Variants in GBA2 observed in about 807,000 individuals in gnomAD.
GBA2 encodes the protein non-lysosomal glucosylceramidase.
GBA2 carries 79 observed loss-of-function variants against 112.9 expected under a neutral mutation model. The ratio of observed to expected loss-of-function variants is 0.70; its 90% CI spans 0.58 to 0.84. The LOEUF is 0.84. Ranked by LOEUF, GBA2 falls within the 40% of genes least tolerant of loss-of-function variation. GBA2 has a pLI of 0.00. For missense variants in GBA2, 1,043 were observed against 1,190.0 expected, an observed-to-expected ratio of 0.88 and a Z score of 1.82; for synonymous variants, 403 against 434.3, an observed-to-expected ratio of 0.93 and a Z score of 0.90.
chr9:35,743,149 T>C (rs1028983023), intron 3 of GBA2: 8 of 153,800 alleles, frequency 5.2e-5, no homozygotes, highest in Admixed American at 4.6e-4. Flanking sequence ...CAACCCCCCA[T>C]GGATACTGAG....
rs398123014 is a variant in GBA2 at position 35,740,833 on chromosome 9, G to A, written c.1018C>T (p.Arg340Ter). 4 of 1,613,950 alleles carry A rather than the reference G, an allele frequency of 2.5e-6. No individual in the cohort carries two copies. Among genetic ancestry groups the A allele is most frequent in the African/African-American group, 1.3e-5 (1 of 74,892 alleles). Residue 340 changes from arginine to a stop codon, truncating the protein, a stop_gained, in exon 5 of 17, where the codon CGA becomes TGA. Coordinates refer to ENST00000378103, the MANE Select transcript of GBA2 (RefSeq NM_020944.3). LOFTEE classifies it high-confidence loss of function. The surrounding 1 kb of genome is among the most constrained non-coding windows in gnomAD (Gnocchi z 4.7). The part of the protein sequence containing the change: ...PNPYTMAVAA[R>*]VTAATTVTHI... Reference sequence around the variant, plus strand: ...GCAGGCTCTTTCCTTACCGTGACTCGTGCAGCCACAGCCATCGTGTAGGGG... The same window carrying A: ...GCAGGCTCTTTCCTTACCGTGACTCATGCAGCCACAGCCATCGTGTAGGGG...
In GBA2 at chr9:35,737,965, G is replaced by C; in HGVS notation, c.2314-26C>G. On this transcript the variant is annotated intron_variant, in intron 15 of 16. Transcript: ENST00000378103. This position sits in a 1 kb window ranked among gnomAD's most constrained non-coding sequence, Gnocchi z 4.1. ...CTGGAGGGGCAAGGGCAGGAACATG[G>C]TCTCATATACTTACTTCCCACCTCC... 6.2e-7 allele frequency: 1 copy of C among 1,604,938 alleles called. No homozygotes were observed. The highest frequency in any genetic ancestry group is 2.2e-5 in the East Asian group (1 of 44,774).
At position 35,737,045 on chromosome 9, in the gene GBA2, T is replaced by A. The variant is rs546341042; in HGVS notation, c.*124A>T. ...ACCCCCATTTACTGGCACAATTGGG[T>A]GGAGAGAAGGGAAGGGGTATGATTG... On this transcript the variant is annotated 3_prime_UTR_variant, in exon 17 of 17. Transcript: ENST00000378103. The surrounding 1 kb of genome is among the most constrained non-coding windows in gnomAD (Gnocchi z 4.1). 18 of 1,438,146 alleles carry A rather than the reference T, an allele frequency of 1.3e-5. No individual in the cohort carries two copies. Among genetic ancestry groups the A allele is most frequent in the Non-Finnish European group, 1.7e-5 (18 of 1,079,822 alleles). 89.1% of individuals were successfully genotyped at this position (1,438,146 alleles called of 1,614,324 possible).
rs1826577268 is a variant in GBA2, at chr9:35,740,327, C to A, written c.1165G>T (p.Ala389Ser). 1.2e-6 allele frequency: 2 copies of A among 1,613,890 alleles called. No individual in the cohort carries two copies. The highest frequency in any genetic ancestry group is 1.7e-6 in the Non-Finnish European group (2 of 1,179,992). The change falls in exon 7 of 17, where the codon GCT becomes TCT. Residue 389 changes from alanine (A) to serine (S), a missense_variant. Transcript: ENST00000378103. The surrounding 1 kb of genome is among the most constrained non-coding windows in gnomAD (Gnocchi z 4.7). Reference sequence around the variant, plus strand: ...TTGCTGGAAACACACACAGCTCCAGCAATGCCTACTCCTTTCTGCGTAGGG... The same window carrying A: ...TTGCTGGAAACACACACAGCTCCAGAAATGCCTACTCCTTTCTGCGTAGGG... ...STPTQKGVGI[A>S]GAVCVSSKLR...
rs115645052 is a variant in GBA2, at chr9:35,736,995, T to C, written c.*174A>G. The C allele has an allele frequency of 2.3e-4, 234 of 1,004,928 alleles. No homozygotes were observed. In the African/African-American group the frequency reaches 3.3e-3, roughly 14 times the overall value. The allele number at this position is 1,004,928 out of a possible 1,614,324, so 62.3% of individuals were successfully genotyped here. A position where few individuals can be genotyped will look rare whatever the true frequency, so the allele number is the denominator to read the frequency against. On this transcript the variant is annotated 3_prime_UTR_variant, in exon 17 of 17. Coordinates refer to ENST00000378103, the MANE Select transcript of GBA2 (RefSeq NM_020944.3). Reference sequence around the variant, plus strand: ...GTGAGGAAAGAAATAAATAAGTGATTCTAATGCTGCCTAGGTCACCCTCAA... The same window carrying C: ...GTGAGGAAAGAAATAAATAAGTGATCCTAATGCTGCCTAGGTCACCCTCAA...
chr9:35,748,671 C>T lies in GBA2; in HGVS notation c.34G>A (p.Gly12Ser). 4 of 1,588,620 alleles carry T rather than the reference C, an allele frequency of 2.5e-6. No individual in the cohort carries two copies. The highest frequency in any genetic ancestry group is 3.4e-6 in the Non-Finnish European group (4 of 1,164,864). ...GTQDPGNMGT[G>S]VPASEQISCA... ...CTTATCTGCTCCGAGGCTGGGACGC[C>T]GGTTCCCATGTTCCCTGGATCCTGG... Residue 12 changes from glycine (G) to serine (S), a missense_variant, in exon 1 of 17, where the codon GGC (glycine) becomes AGC (serine). Coordinates refer to ENST00000378103, the MANE Select transcript of GBA2 (RefSeq NM_020944.3).
At position 35,739,894 on chromosome 9, in the gene GBA2, A is replaced by C. The variant is rs544124639; in HGVS notation, c.1410-94T>G. 2.7e-5 allele frequency: 42 copies of C among 1,545,720 alleles called. No individual in the cohort carries two copies. The East Asian group carries it at 9.2e-4, about 34-fold the overall frequency. Reference sequence around the variant, plus strand: ...TCAGCAGAGTGGGATCATCAAATGAATCCCAGTGCAAGTCTACTGACTTTG... The same window carrying C: ...TCAGCAGAGTGGGATCATCAAATGACTCCCAGTGCAAGTCTACTGACTTTG... On this transcript the variant is annotated intron_variant, in intron 8 of 16. Coordinates refer to ENST00000378103, the MANE Select transcript of GBA2 (RefSeq NM_020944.3).
At position 35,738,792 on chromosome 9, in the gene GBA2, C is replaced by T. The variant is rs1209879263; in HGVS notation, c.1907G>A (p.Gly636Asp). ...LQVYRDYYLT[G>D]DQNFLKDMWP... ...CATGTCCTTCAGGAAGTTTTGATCA[C>T]CCGTGAGGTAATAGTCCCGATAAAC... Residue 636 changes from glycine (G) to aspartate (D), a missense_variant, in exon 12 of 17, where the codon GGT (glycine) becomes GAT (aspartate). By Grantham distance (94) the Gly-to-Asp change is moderately conservative. Coordinates refer to ENST00000378103, the MANE Select transcript of GBA2 (RefSeq NM_020944.3). The T allele has an allele frequency of 3.1e-6, 5 of 1,614,188 alleles. No individual in the cohort carries two copies. Among genetic ancestry groups the T allele is most frequent in the Non-Finnish European group, 3.4e-6 (4 of 1,180,008 alleles).
intron 3 of GBA2, among the ~76,000 whole-genome samples, chr9:35,742,973 A>T (rs1826781774): frequency 6.6e-6 from 1 of 152,226 alleles, no homozygotes; most frequent in Non-Finnish European, 1.5e-5. Flanking sequence ...TACACACTTT[A>T]TTTACTGTAC....
rs569037432 is a variant in GBA2, at chr9:35,746,592, A to G, written c.359+1754T>C. On this transcript the variant is annotated intron_variant, in intron 1 of 16. Coordinates refer to ENST00000378103, the MANE Select transcript of GBA2 (RefSeq NM_020944.3). This position sits in a 1 kb window ranked among gnomAD's most constrained non-coding sequence, Gnocchi z 5.2. ...GGTGACAAGAGCAAGACTGTCTCAA[A>G]AAAAAAATAATAATAAAATAAAAAG... Among the ~76,000 whole-genome samples the G allele has an allele frequency of 2.6e-5, 4 of 152,284 alleles. No homozygotes were observed. In the South Asian group the frequency reaches 8.3e-4, roughly 32 times the overall value.
intron 3 of GBA2, chr9:35,742,096 C>T: frequency 1.6e-6 from 1 of 610,074 alleles, no homozygotes; most frequent in East Asian, 2.8e-5. Context: ...CTCCCTTCTC[C>T]ACTACGGTGG....
chr9:35,739,890 A>T, intron 8 of GBA2, 90 bp from the exon 9 acceptor site: 1 of 1,539,114 alleles, frequency 6.5e-7, no homozygotes, highest in Non-Finnish European at 8.9e-7. Flanking sequence ...GGATCATCAA[A>T]TGAATCCCAG....
Position 35,737,403 on chromosome 9 carries a change from A to G in GBA2, c.2550T>C (p.Arg850=). ...EGFQTAEGCY[R]TVWERLGLAF... The stretch of plus-strand genomic sequence containing the variant: ...CCAGACCCAGGCGCTCCCACACGGT[A>G]CGGTAGCAGCCTTCAGCTGTCTGGA... Residue 850 remains arginine, a synonymous_variant, in exon 17 of 17, where the codon CGT becomes CGC. Coordinates refer to ENST00000378103, the MANE Select transcript of GBA2 (RefSeq NM_020944.3). This position sits in a 1 kb window ranked among gnomAD's most constrained non-coding sequence, Gnocchi z 4.1. 1 of 1,614,116 alleles carries G rather than the reference A, an allele frequency of 6.2e-7. No homozygotes were observed. The highest frequency in any genetic ancestry group is 1.1e-5 in the South Asian group (1 of 91,076).
chr9:35,741,916 G>C lies in GBA2; in HGVS notation c.568-26C>G, dbSNP rs374823957. ...CTTAAGAGGGCAGATAGGCTGGAACGGGGTAAACCACAGGGACCACAGACT... is the reference window on the plus strand; with the variant it reads ...CTTAAGAGGGCAGATAGGCTGGAACCGGGTAAACCACAGGGACCACAGACT... On this transcript the variant is annotated intron_variant, in intron 3 of 16. Coordinates refer to ENST00000378103, the MANE Select transcript of GBA2 (RefSeq NM_020944.3). The surrounding 1 kb of genome is among the most constrained non-coding windows in gnomAD (Gnocchi z 4.6). 2.2e-5 allele frequency: 34 copies of C among 1,530,764 alleles called. No individual in the cohort carries two copies. In the Middle Eastern group the frequency reaches 5.1e-4, roughly 23 times the overall value. The allele number at this position is 1,530,764 out of a possible 1,614,324, so 94.8% of individuals were successfully genotyped here.
chr9:35,740,155 C>T lies in GBA2; in HGVS notation c.1284-32G>A. Reference sequence around the variant, plus strand: ...TGGGAAGGGGAAGGATGAACACAAGCCCCAGGTCAGAGCCCCAGCACTCTG... The same window carrying T: ...TGGGAAGGGGAAGGATGAACACAAGTCCCAGGTCAGAGCCCCAGCACTCTG... On this transcript the variant is annotated intron_variant, in intron 7 of 16. Transcript: ENST00000378103. This position sits in a 1 kb window ranked among gnomAD's most constrained non-coding sequence, Gnocchi z 4.7. 6.2e-7 allele frequency: 1 copy of T among 1,613,968 alleles called. No individual in the cohort carries two copies. The highest frequency in any genetic ancestry group is 1.7e-5 in the Admixed American group (1 of 60,010).
rs1827159561 is a variant in GBA2 at position 35,749,107 on chromosome 9, C to T, written c.-403G>A. On this transcript the variant is annotated 5_prime_UTR_variant, in exon 1 of 17. Transcript: ENST00000378103. This position sits in a 1 kb window ranked among gnomAD's most constrained non-coding sequence, Gnocchi z 4.4. ...CGGCCCGGCCCCTGGGCCACGGCAC[C>T]GGGTCCCCCAGGATTGGGCGCCAGG... 1 of 238,534 alleles carries T rather than the reference C, an allele frequency of 4.2e-6. No individual in the cohort carries two copies. Among genetic ancestry groups the T allele is most frequent in the Non-Finnish European group, 8.3e-6 (1 of 120,404 alleles). The allele number at this position is 238,534 out of a possible 1,614,324, so 14.8% of individuals were successfully genotyped here. A position where few individuals can be genotyped will look rare whatever the true frequency, so the allele number is the denominator to read the frequency against.
In GBA2 at chr9:35,738,091, C is replaced by T; in HGVS notation, c.2259G>A (p.Gln753=). The T allele has an allele frequency of 6.2e-7, 1 of 1,613,888 alleles. No homozygotes were observed. Among genetic ancestry groups the T allele is most frequent in the Non-Finnish European group, 8.5e-7 (1 of 1,179,788 alleles). ...RPQSRSVMSD[Q]CAGQWFLKAC... ...CCTTCAGGAACCACTGTCCAGCACACTGGTCAGACATAACACTACGAGACT... is the reference window on the plus strand; with the variant it reads ...CCTTCAGGAACCACTGTCCAGCACATTGGTCAGACATAACACTACGAGACT... The change falls in exon 15 of 17, where the codon CAG becomes CAA. Residue 753 remains glutamine (Q), a synonymous_variant. Transcript: ENST00000378103.
Position 35,748,870 on chromosome 9 carries a change from G to C in GBA2, c.-166C>G. On this transcript the variant is annotated 5_prime_UTR_variant, in exon 1 of 17. Coordinates refer to ENST00000378103, the MANE Select transcript of GBA2 (RefSeq NM_020944.3). ...GGAGCCGGGGAGCTCTTGCTTCAGT[G>C]GGGGCGGCGACAGCAAAGAAGCCGC... is the stretch of plus-strand genomic sequence containing the variant. 1.8e-6 allele frequency: 1 copy of C among 562,002 alleles called. No individual in the cohort carries two copies. Among genetic ancestry groups the C allele is most frequent in the African/African-American group, 1.9e-5 (1 of 53,176 alleles). The allele number at this position is 562,002 out of a possible 1,614,324, so 34.8% of individuals were successfully genotyped here.
intron 9 of GBA2, 63 bp downstream of exon 9, chr9:35,739,565 G>A: frequency 6.6e-7 from 1 of 1,508,238 alleles, no homozygotes; most frequent in Non-Finnish European, 9.2e-7. Context: ...CCCTGGGGTA[G>A]GCAAATCCAT....
Sources: gnomAD v4.1 joint callset for allele counts (sites outside exome capture counted in the v4.1 genomes callset) on GRCh38, gnomAD v4.1.1 for gene constraint, Gnocchi (gnomAD v3.1) non-coding constraint, MANE v1.5 for transcripts, NCBI Gene and HGNC (gene_info 2026-07-23, HGNC 2026-07-21) for gene names.